The following CPNE5 variants were observed in gnomAD, a reference collection of about 807,000 sequenced individuals.
CPNE5 encodes copine 5, also known as copine-5.
A neutral mutation model predicts 81.1 loss-of-function variants in CPNE5; 42 were observed. The observed-to-expected ratio is 0.52, with a 90% CI of 0.40 to 0.67. CPNE5 has a LOEUF of 0.67. Ranked by LOEUF, CPNE5 falls within the 30% of genes least tolerant of loss-of-function variation. CPNE5 has a pLI of 0.00. For missense variants in CPNE5, 612 were observed against 815.5 expected, an observed-to-expected ratio of 0.75 and a Z score of 3.04; for synonymous variants, 313 against 321.5, an observed-to-expected ratio of 0.97 and a Z score of 0.28.
chr6:36,783,895 C>T (rs573431476), intron 8 of CPNE5, among the ~76,000 whole-genome samples: 23 of 152,202 alleles, frequency 1.5e-4, no homozygotes, highest in African/African-American at 3.6e-4. Context: ...TAGCAAGAGG[C>T]GCTAAGATGG....
intron 7 of CPNE5, among the ~76,000 whole-genome samples, chr6:36,793,628 T>C (rs1241836109): frequency 6.6e-6 from 1 of 152,056 alleles, no homozygotes; most frequent in Non-Finnish European, 1.5e-5. Flanking sequence ...TCCCTCCCTG[T>C]CTTTGTATCT....
rs946544741 is a variant in CPNE5 at position 36,746,143 on chromosome 6, C to A, written c.1200+253G>T. 3 of 985,154 alleles carry A rather than the reference C, an allele frequency of 3.0e-6. No individual in the cohort carries two copies. Among genetic ancestry groups the A allele is most frequent in the Admixed American group, 1.2e-4 (2 of 16,266 alleles). 61.0% of individuals were successfully genotyped at this position (985,154 alleles called of 1,614,324 possible). ...CAGCCACAGCTCGCCTCCACCTGCA[C>A]CTGCGTCTTGTCAGGAACAAGGAAG... On this transcript the variant is annotated intron_variant, in intron 16 of 20. Coordinates refer to ENST00000244751, the MANE Select transcript of CPNE5 (RefSeq NM_020939.2). This position sits in a 1 kb window ranked among gnomAD's most constrained non-coding sequence, Gnocchi z 4.5.
At chr6:36,830,447 C>T (rs1772891070) in intron 1 of CPNE5, among the ~76,000 whole-genome samples, 1 of 152,186 alleles carries the variant, frequency 6.6e-6, no homozygotes, top group Non-Finnish European at 1.5e-5. Context: ...AGCCTTGGCA[C>T]CTAGCCCCTG....
At chr6:36,752,969 C>A in intron 14 of CPNE5, 65 bp downstream of exon 14, 1 of 1,356,130 alleles carries the variant, frequency 7.4e-7, no homozygotes, top group South Asian at 1.2e-5. Flanking sequence ...AGAGCCGGTC[C>A]TGTCGGTGTG....
Position 36,746,407 on chromosome 6 carries a change from C to T in CPNE5, c.1189G>A (p.Glu397Lys), listed in dbSNP as rs1479469186. 3.1e-6 allele frequency: 5 copies of T among 1,611,074 alleles called. No homozygotes were observed. The highest frequency in any genetic ancestry group is 1.7e-5 in the Admixed American group (1 of 59,792). ...KLPPDGRVSH[E>K]FPLNGNQENP... ...GCGGGACCACCTACCAGTGGGAACT[C>T]GTGGGACACTCTGCCATCCGGGGGC... is the stretch of plus-strand genomic sequence containing the variant. The change falls in exon 16 of 21, where the codon GAG (glutamate) becomes AAG (lysine). Residue 397 changes from glutamate (E) to lysine (K), a missense_variant. Coordinates refer to ENST00000244751, the MANE Select transcript of CPNE5 (RefSeq NM_020939.2). The surrounding 1 kb of genome is among the most constrained non-coding windows in gnomAD (Gnocchi z 4.5).
chr6:36,765,236 C>G (rs41272184), intron 11 of CPNE5, 99 bp downstream of exon 11: 1 of 1,349,036 alleles, frequency 7.4e-7, no homozygotes, highest in South Asian at 1.3e-5. Context: ...AGAGCCACTG[C>G]GGGGGGGAGC....
At chr6:36,837,143 G>A (rs1164522954) in intron 1 of CPNE5, among the ~76,000 whole-genome samples, 1 of 152,234 alleles carries the variant, frequency 6.6e-6, no homozygotes, top group East Asian at 1.9e-4. Flanking sequence ...TACTTATTGA[G>A]CACCTACTGT....
chr6:36,792,499 C>T lies in CPNE5; in HGVS notation c.465-403G>A, dbSNP rs538552300. ...CCACCCCACCTCACACCCAGCTGAC[C>T]CCCAGCGTCCCGGGACAGTCCAGCT... On this transcript the variant is annotated intron_variant, in intron 7 of 20. Transcript: ENST00000244751. The T allele has an allele frequency of 9.8e-6, 8 of 813,986 alleles. No homozygotes were observed. The African/African-American group carries it at 1.1e-4, about 11-fold the overall frequency. The allele number at this position is 813,986 out of a possible 1,614,324, so 50.4% of individuals were successfully genotyped here. A position where few individuals can be genotyped will look rare whatever the true frequency, so the allele number is the denominator to read the frequency against.
intron 3 of CPNE5, among the ~76,000 whole-genome samples, chr6:36,800,829 C>T (rs568723184): frequency 5.3e-5 from 8 of 152,278 alleles, no homozygotes; most frequent in Admixed American, 3.3e-4. Flanking sequence ...TATGAAGGGG[C>T]GGCAAGGAAA....
chr6:36,812,764 G>A (rs1771210684), intron 3 of CPNE5, among the ~76,000 whole-genome samples: 1 of 152,160 alleles, frequency 6.6e-6, no homozygotes, highest in Non-Finnish European at 1.5e-5. Context: ...AAGAGCAAAG[G>A]CCACTAAAGG....
Position 36,746,150 on chromosome 6 carries a change from C to G in CPNE5, c.1200+246G>C. 1 of 985,334 alleles carries G rather than the reference C, an allele frequency of 1.0e-6. No homozygotes were observed. Among genetic ancestry groups the G allele is most frequent in the Non-Finnish European group, 1.2e-6 (1 of 829,870 alleles). 61.0% of individuals were successfully genotyped at this position (985,334 alleles called of 1,614,324 possible). ...AGCTCGCCTCCACCTGCACCTGCGT[C>G]TTGTCAGGAACAAGGAAGCCAGGGC... On this transcript the variant is annotated intron_variant, in intron 16 of 20. Transcript: ENST00000244751. The surrounding 1 kb of genome is among the most constrained non-coding windows in gnomAD (Gnocchi z 4.5).
At position 36,800,063 on chromosome 6, in the gene CPNE5, C is replaced by T. The variant is rs1041295115; in HGVS notation, c.191G>A (p.Arg64His). Residue 64 changes from arginine to histidine, a missense_variant, in exon 4 of 21, where the codon CGC (arginine) becomes CAC (histidine). Arg to His is a conservative substitution (Grantham distance 29). Transcript: ENST00000244751. The part of the protein sequence containing the change: ...MENKQWREFG[R>H]TEVIDNTLNP... The stretch of plus-strand genomic sequence containing the variant: ...GAGCGTGTTGTCGATGACTTCGGTG[C>T]GCCCAAACTGCAAGAGAAGATGGAG... 8.1e-6 allele frequency: 13 copies of T among 1,611,490 alleles called. No individual in the cohort carries two copies. The highest frequency in any genetic ancestry group is 5.5e-5 in the South Asian group (5 of 90,602).
Position 36,746,300 on chromosome 6 carries a change from C to T in CPNE5, c.1200+96G>A, listed in dbSNP as rs184684604. The T allele has an allele frequency of 1.7e-4, 250 of 1,476,146 alleles. No individual in the cohort carries two copies. In the African/African-American group the frequency reaches 3.4e-3, roughly 20 times the overall value. 91.4% of individuals were successfully genotyped at this position (1,476,146 alleles called of 1,614,324 possible). Reference sequence around the variant, plus strand: ...CTCCACTGAGGCTGAGCCTTAAGTCCCCGGGCTCAGAGGAAGGGAAACGTC... The same window carrying T: ...CTCCACTGAGGCTGAGCCTTAAGTCTCCGGGCTCAGAGGAAGGGAAACGTC... On this transcript the variant is annotated intron_variant, in intron 16 of 20. Coordinates refer to ENST00000244751, the MANE Select transcript of CPNE5 (RefSeq NM_020939.2). This position sits in a 1 kb window ranked among gnomAD's most constrained non-coding sequence, Gnocchi z 4.5.
At chr6:36,792,127 G>C (rs770295445) in intron 7 of CPNE5, 31 bp from the exon 8 acceptor site, 8 of 1,601,142 alleles carry the variant, frequency 5.0e-6, no homozygotes, top group Non-Finnish European at 6.8e-6. Flanking sequence ...AGAATGGAAA[G>C]CCAGACAAAG....
At chr6:36,805,677 C>A (rs1770531336) in intron 3 of CPNE5, among the ~76,000 whole-genome samples, 1 of 151,910 alleles carries the variant, frequency 6.6e-6, no homozygotes, top group Admixed American at 6.6e-5. Flanking sequence ...TCCTACTGGG[C>A]AGAAGGAAAG....
chr6:36,779,966 C>T (rs1385584239), intron 8 of CPNE5, among the ~76,000 whole-genome samples: 1 of 125,004 alleles, frequency 8.0e-6, no homozygotes, highest in Non-Finnish European at 1.7e-5. Context: ...TCCCCCCTTC[C>T]TATTTTTTTT....
Position 36,746,175 on chromosome 6 carries a change from C to A in CPNE5, c.1200+221G>T. On this transcript the variant is annotated intron_variant, in intron 16 of 20. Transcript: ENST00000244751. The surrounding 1 kb of genome is among the most constrained non-coding windows in gnomAD (Gnocchi z 4.5). Reference sequence around the variant, plus strand: ...CTTGTCAGGAACAAGGAAGCCAGGGCCAGCTGTGGGCAGGCAGCTTCAGAC... The same window carrying A: ...CTTGTCAGGAACAAGGAAGCCAGGGACAGCTGTGGGCAGGCAGCTTCAGAC... 1 of 985,416 alleles carries A rather than the reference C, an allele frequency of 1.0e-6. No individual in the cohort carries two copies. The highest frequency in any genetic ancestry group is 1.2e-6 in the Non-Finnish European group (1 of 829,920). 61.0% of individuals were successfully genotyped at this position (985,416 alleles called of 1,614,324 possible).
chr6:36,798,373 A>G, intron 5 of CPNE5, 82 bp downstream of exon 5: 1 of 1,535,860 alleles, frequency 6.5e-7, no homozygotes, highest in Non-Finnish European at 9.0e-7. Context: ...CACACATTCC[A>G]TCACAGCAAA....
chr6:36,757,147 C>A (rs1288174831), intron 12 of CPNE5: 6 of 190,316 alleles, frequency 3.2e-5, no homozygotes, highest in Non-Finnish European at 5.8e-5. Flanking sequence ...TGAGGCCCCC[C>A]ACGAGACTTC....
Sources: allele counts gnomAD v4.1 joint callset (sites outside exome capture counted in the v4.1 genomes callset), GRCh38; gene constraint gnomAD v4.1.1; non-coding constraint Gnocchi (gnomAD v3.1); transcripts MANE v1.5; gene names NCBI Gene and HGNC (gene_info 2026-07-23, HGNC 2026-07-21).